Variants in VAV2 observed in about 807,000 individuals in gnomAD.
VAV2 encodes guanine nucleotide exchange factor VAV2.
A neutral mutation model predicts 132.5 loss-of-function variants in VAV2; 67 were observed. That is an observed-to-expected ratio of 0.51 (90% confidence interval 0.42 to 0.62). The LOEUF (loss-of-function observed/expected upper bound fraction) is 0.62. VAV2 is among the 20% of genes least tolerant of loss of function. VAV2 has a pLI of 0.00. For synonymous variants in VAV2, 492 were observed against 443.5 expected, an observed-to-expected ratio of 1.11 and a Z score of -1.37; for missense variants, 938 against 1,153.6, an observed-to-expected ratio of 0.81 and a Z score of 2.71.
intron 14 of VAV2, among the ~76,000 whole-genome samples, 153 bp downstream of exon 14, chr9:133,789,105 G>C (rs1822046567): frequency 6.6e-6 from 1 of 152,224 alleles, no homozygotes; most frequent in South Asian, 2.1e-4. Context: ...GAGAAGGAAG[G>C]AAGCAATTAA....
In VAV2 at chr9:133,991,112, G is replaced by A. The variant is rs1182590074; in HGVS notation, c.204+963C>T. On this transcript the variant is annotated intron_variant, in intron 1 of 29. Transcript: ENST00000371850. The surrounding 1 kb of genome is among the most constrained non-coding windows in gnomAD (Gnocchi z 4.8). ...TCTCCACATGGAGTTGCCACTGCGC[G>A]CGGTGAGGGGCTGCTGAGCTGGCTG... Among the ~76,000 whole-genome samples, 3 of 152,116 alleles carry A rather than the reference G, an allele frequency of 2.0e-5. No homozygotes were observed. The highest frequency in any genetic ancestry group is 4.4e-5 in the Non-Finnish European group (3 of 68,026).
At chr9:133,964,060 C>CAT (rs1266693883) in intron 1 of VAV2, among the ~76,000 whole-genome samples, 3 of 109,802 alleles carry the variant, frequency 2.7e-5, no homozygotes, top group South Asian at 5.5e-4. Context: ...CATATATATA[C>CAT]ATATATATAA....
At chr9:133,934,599 G>A (rs1840835992) in intron 2 of VAV2, among the ~76,000 whole-genome samples, 1 of 152,240 alleles carries the variant, frequency 6.6e-6, no homozygotes, top group South Asian at 2.1e-4. Flanking sequence ...CCTGCCCCCA[G>A]ACATCAGAAC....
chr9:133,776,839 G>A (rs7026775), intron 23 of VAV2, among the ~76,000 whole-genome samples: 6,141 of 152,204 alleles, frequency 0.04, 241 homozygotes, highest in African/African-American at 0.1. Context: ...GAGGTTCCAC[G>A]CTCTCACTCT....
rs1491083395 is a variant in VAV2, at chr9:133,928,190, C to CGT, written c.321+10911_321+10912dup. 5.6e-4 allele frequency among the ~76,000 whole-genome samples: 3 copies of CGT among 5,310 alleles called. No individual in the cohort carries two copies. Among genetic ancestry groups the CGT allele is most frequent in the Non-Finnish European group, 5.3e-3 (1 of 190 alleles). 3.5% of individuals were successfully genotyped at this position (5,310 alleles called of 152,430 possible). A position where few individuals can be genotyped will look rare whatever the true frequency, so the allele number is the denominator to read the frequency against. Reference sequence around the variant, plus strand: ...GACTCCGTGTGTGTGTGTGTGTGTGCGTGCATGTGTGTATGTCTGTGTGTG... The same window carrying CGT: ...GACTCCGTGTGTGTGTGTGTGTGTGCGTGTGCATGTGTGTATGTCTGTGTGTG... On this transcript the variant is annotated intron_variant, in intron 2 of 29. Transcript: ENST00000371850. This position sits in a 1 kb window ranked among gnomAD's most constrained non-coding sequence, Gnocchi z 5.4.
At chr9:133,939,647 C>T (rs1034362816) in intron 1 of VAV2, among the ~76,000 whole-genome samples, 5 of 152,276 alleles carry the variant, frequency 3.3e-5, no homozygotes, top group Admixed American at 6.5e-5. Context: ...GGCCGACAGT[C>T]ACAGCTGGGG....
chr9:133,835,071 T>TAA (rs555791646), intron 3 of VAV2, among the ~76,000 whole-genome samples: 50 of 151,928 alleles, frequency 3.3e-4, no homozygotes, highest in African/African-American at 8.5e-4. Context: ...TATATATATA[T>TAA]AACACATAAA....
Position 133,823,823 on chromosome 9 carries a change from T to G in VAV2, c.449+10449A>C, listed in dbSNP as rs2131739849. Among the ~76,000 whole-genome samples the G allele has an allele frequency of 6.6e-6, 1 of 152,236 alleles. No homozygotes were observed. Among genetic ancestry groups the G allele is most frequent in the East Asian group, 1.9e-4 (1 of 5,166 alleles). On this transcript the variant is annotated intron_variant, in intron 4 of 29. Transcript: ENST00000371850. This position sits in a 1 kb window ranked among gnomAD's most constrained non-coding sequence, Gnocchi z 5.5. Reference sequence around the variant, plus strand: ...GAAAGCACTCGAGTTTAACGAGGTATTAAAAATGAAAACCCCTGGAAGTCC... The same window carrying G: ...GAAAGCACTCGAGTTTAACGAGGTAGTAAAAATGAAAACCCCTGGAAGTCC...
chr9:133,964,337 T>TAC (rs571450287), intron 1 of VAV2, among the ~76,000 whole-genome samples: 96 of 151,052 alleles, frequency 6.4e-4, no homozygotes, highest in African/African-American at 2.0e-3. Flanking sequence ...CATATGTATA[T>TAC]ACACACACAC....
rs1485047918 is a variant in VAV2 at position 133,763,723 on chromosome 9, C to G, written c.*339G>C. The G allele has an allele frequency of 5.9e-6, 2 of 336,296 alleles. No homozygotes were observed. Among genetic ancestry groups the G allele is most frequent in the Non-Finnish European group, 1.1e-5 (2 of 177,650 alleles). 20.8% of individuals were successfully genotyped at this position (336,296 alleles called of 1,614,324 possible). On this transcript the variant is annotated 3_prime_UTR_variant, in exon 30 of 30. Transcript: ENST00000371850. The surrounding 1 kb of genome is among the most constrained non-coding windows in gnomAD (Gnocchi z 6.8). ...CTGTTCAAACCTAGGCTCCTGAAGGCCATCTCAGTTGGACAGGGGCAGGCG... is the reference window on the plus strand; with the variant it reads ...CTGTTCAAACCTAGGCTCCTGAAGGGCATCTCAGTTGGACAGGGGCAGGCG...
At position 133,824,608 on chromosome 9, in the gene VAV2, C is replaced by T. The variant is rs1414340292; in HGVS notation, c.449+9664G>A. On this transcript the variant is annotated intron_variant, in intron 4 of 29. Coordinates refer to ENST00000371850, the MANE Select transcript of VAV2 (RefSeq NM_001134398.2). This position sits in a 1 kb window ranked among gnomAD's most constrained non-coding sequence, Gnocchi z 5.2. ...CTCCTGGCTTGTCAGGGTCTGCCCC[C>T]AGAGGCTGCTGCCTGGACAGCACAT... Among the ~76,000 whole-genome samples the T allele has an allele frequency of 2.0e-5, 3 of 152,174 alleles. No homozygotes were observed. The highest frequency in any genetic ancestry group is 7.2e-5 in the African/African-American group (3 of 41,448).
chr9:133,939,420 C>T, intron 1 of VAV2: 1 of 607,000 alleles, frequency 1.6e-6, no homozygotes, highest in Non-Finnish European at 2.9e-6. Context: ...GAAGCCAGGC[C>T]TGGATGGAAG....
Position 133,961,341 on chromosome 9 carries a change from A to T in VAV2, c.205-22122T>A, listed in dbSNP as rs1040250744. The stretch of plus-strand genomic sequence containing the variant: ...GCTGAAGCTTCGGCCTGTGGCCAAG[A>T]CACCATGGGCAGTGGAATGAGCAAC... On this transcript the variant is annotated intron_variant, in intron 1 of 29. Coordinates refer to ENST00000371850, the MANE Select transcript of VAV2 (RefSeq NM_001134398.2). The surrounding 1 kb of genome is among the most constrained non-coding windows in gnomAD (Gnocchi z 4.1). 2.0e-5 allele frequency among the ~76,000 whole-genome samples: 3 copies of T among 152,210 alleles called. No individual in the cohort carries two copies. Among genetic ancestry groups the T allele is most frequent in the Non-Finnish European group, 2.9e-5 (2 of 68,040 alleles).
rs756938235 is a variant in VAV2, at chr9:133,992,239, A to C, written c.40T>G (p.Cys14Gly). The change falls in exon 1 of 30, where the codon TGC becomes GGC. Residue 14 changes from cysteine to glycine, a missense_variant. By Grantham distance (159) the Cys-to-Gly change is radical (BLOSUM62 -3). Transcript: ENST00000371850. This position sits in a 1 kb window ranked among gnomAD's most constrained non-coding sequence, Gnocchi z 5.5. ...CGGTGGTTGGGCGGCAGGACCTTGCAATCGATGAGCCAGCGGCCGCACTGC... is the reference window on the plus strand; with the variant it reads ...CGGTGGTTGGGCGGCAGGACCTTGCCATCGATGAGCCAGCGGCCGCACTGC... ...WRQCGRWLID[C>G]KVLPPNHRVV... 3 of 1,586,754 alleles carry C rather than the reference A, an allele frequency of 1.9e-6. No homozygotes were observed. The highest frequency in any genetic ancestry group is 2.6e-6 in the Non-Finnish European group (3 of 1,167,450).
intron 4 of VAV2, among the ~76,000 whole-genome samples, chr9:133,817,592 G>C (rs7029750): frequency 0.023 from 3,523 of 152,180 alleles, 54 homozygotes; most frequent in East Asian, 0.056. Flanking sequence ...TGGGAGACAA[G>C]AGTGAAACTC....
intron 1 of VAV2, among the ~76,000 whole-genome samples, chr9:133,968,969 T>C (rs1368956490): frequency 2.6e-5 from 4 of 151,896 alleles, no homozygotes; most frequent in African/African-American, 9.7e-5. Context: ...CAAAAATCAA[T>C]CTAAGGCAGT....
At chr9:133,780,016 C>T in intron 20 of VAV2, 77 bp from the exon 21 acceptor site, 1 of 1,581,604 alleles carries the variant, frequency 6.3e-7, no homozygotes, top group Non-Finnish European at 8.7e-7. Flanking sequence ...ACGCACCCCG[C>T]CCTCCCTGTC....
chr9:133,865,182 T>C (rs552193624), intron 2 of VAV2, among the ~76,000 whole-genome samples: 1 of 152,204 alleles, frequency 6.6e-6, no homozygotes, highest in Non-Finnish European at 1.5e-5. Context: ...CTCACAGTAT[T>C]TGCAACTTAA....
At chr9:133,946,613 T>G (rs1295463994) in intron 1 of VAV2, among the ~76,000 whole-genome samples, 1 of 152,238 alleles carries the variant, frequency 6.6e-6, no homozygotes, top group African/African-American at 2.4e-5. Flanking sequence ...CACGCCTGGC[T>G]GCTCTGCTTC....
Sources: allele counts gnomAD v4.1 joint callset (sites outside exome capture counted in the v4.1 genomes callset), GRCh38; gene constraint gnomAD v4.1.1; non-coding constraint Gnocchi (gnomAD v3.1); transcripts MANE v1.5; gene names NCBI Gene and HGNC (gene_info 2026-07-23, HGNC 2026-07-21).